The following LHFPL3 variants were observed in gnomAD, a reference collection of about 807,000 sequenced individuals.
The protein encoded by LHFPL3 is LHFPL tetraspan subfamily member 3 protein.
Under a neutral mutation model 19.3 loss-of-function variants are expected in LHFPL3, and 5 were observed. The observed-to-expected ratio is 0.26, with a 90% CI of 0.14 to 0.54. LHFPL3 has a LOEUF of 0.54. Among genes scored for constraint, LHFPL3 ranks in the 20% least tolerant of loss-of-function variants. The pLI is 0.94. For synonymous variants in LHFPL3, 133 were observed against 126.2 expected (o/e 1.05, Z -0.36); for missense variants, 249 against 307.4 (o/e 0.81, Z 1.42).
intron 2 of LHFPL3, among the ~76,000 whole-genome samples, chr7:104,873,157 C>T (rs1467837206): frequency 6.6e-6 from 1 of 152,208 alleles, no homozygotes; most frequent in African/African-American, 2.4e-5. Context: ...CTGTACTAGA[C>T]AAGAGTATTC....
At chr7:104,578,024 A>G (rs1230398145) in intron 1 of LHFPL3, among the ~76,000 whole-genome samples, 1 of 152,210 alleles carries the variant, frequency 6.6e-6, no homozygotes, top group Admixed American at 6.5e-5. Flanking sequence ...CGGCATGTAT[A>G]GGATGTCAGG....
intron 2 of LHFPL3, among the ~76,000 whole-genome samples, chr7:104,762,113 T>C (rs1255911745): frequency 1.3e-5 from 2 of 152,110 alleles, no homozygotes; most frequent in African/African-American, 4.8e-5. Context: ...AGCAGGGACA[T>C]AGAGGACTCT....
intron 1 of LHFPL3, among the ~76,000 whole-genome samples, chr7:104,734,077 C>T (rs888133320): frequency 1.2e-4 from 18 of 152,212 alleles, no homozygotes; most frequent in Non-Finnish European, 2.9e-5. Context: ...TGTAGAGTTT[C>T]TGCTGAGAGA....
At chr7:104,620,717 C>T (rs902939337) in intron 1 of LHFPL3, among the ~76,000 whole-genome samples, 5 of 152,332 alleles carry the variant, frequency 3.3e-5, no homozygotes, top group Non-Finnish European at 5.9e-5. Context: ...CTCTCTAACT[C>T]ATTACTGAGG....
At chr7:104,424,794 A>G (rs1197778663) in intron 1 of LHFPL3, among the ~76,000 whole-genome samples, 1 of 152,052 alleles carries the variant, frequency 6.6e-6, no homozygotes, top group Non-Finnish European at 1.5e-5. Context: ...AATCCAGACC[A>G]TCCTGGTTAA....
intron 2 of LHFPL3, chr7:104,895,858 A>C (rs762433821): frequency 2.0e-5 from 3 of 152,260 alleles, no homozygotes; most frequent in Non-Finnish European, 4.4e-5. Flanking sequence ...TTAGTCTGCT[A>C]GGGCTGCCAT....
chr7:104,654,858 T>C (rs570551746), intron 1 of LHFPL3, among the ~76,000 whole-genome samples: 2 of 152,304 alleles, frequency 1.3e-5, no homozygotes, highest in Non-Finnish European at 2.9e-5. Context: ...CTAGTGTAGG[T>C]TGTACACCAT....
chr7:104,684,020 A>C (rs1206616078), intron 1 of LHFPL3, among the ~76,000 whole-genome samples: 1 of 152,238 alleles, frequency 6.6e-6, no homozygotes, highest in Non-Finnish European at 1.5e-5. Flanking sequence ...AGAAAATATC[A>C]GGATTACTTT....
Position 104,504,687 on chromosome 7 carries a change from ACTAT to A in LHFPL3, c.445+175467_445+175470del, listed in dbSNP as rs1793663058. Among the ~76,000 whole-genome samples the A allele has an allele frequency of 2.0e-5, 3 of 152,286 alleles. No individual in the cohort carries two copies. The South Asian group carries it at 6.2e-4, about 32-fold the overall frequency. On this transcript the variant is annotated intron_variant, in intron 1 of 2. Coordinates refer to ENST00000424859, the MANE Select transcript of LHFPL3 (RefSeq NM_199000.3). ...TCCTTCAGGTTATGTGTTTAATTCAACTATCTACCCACATTATACTAGGACAATA... is the reference window on the plus strand; with the variant it reads ...TCCTTCAGGTTATGTGTTTAATTCAACTACCCACATTATACTAGGACAATA...
At chr7:104,649,937 T>C (rs1224738516) in intron 1 of LHFPL3, among the ~76,000 whole-genome samples, 1 of 152,224 alleles carries the variant, frequency 6.6e-6, no homozygotes, top group Admixed American at 6.5e-5. Context: ...ATCTAAGATC[T>C]ACTGACTAGA....
intron 1 of LHFPL3, among the ~76,000 whole-genome samples, chr7:104,736,283 C>G (rs1793816000): frequency 6.6e-6 from 1 of 152,168 alleles, no homozygotes; most frequent in African/African-American, 2.4e-5. Flanking sequence ...CTCCTCAAAT[C>G]CAGCCTTGAA....
chr7:104,557,812 A>G (rs13234455), intron 1 of LHFPL3, among the ~76,000 whole-genome samples: 27,847 of 149,286 alleles, frequency 0.19, 2,955 homozygotes, highest in Non-Finnish European at 0.24. Context: ...ATATCTCCCA[A>G]TGCTATCCCT....
chr7:104,906,160 T>TC, intron 2 of LHFPL3, 27 bp from the exon 3 acceptor site: 1 of 1,606,466 alleles, frequency 6.2e-7, no homozygotes, highest in South Asian at 1.1e-5. Context: ...CCACCCTTTT[T>TC]CTCTCTCTTC....
chr7:104,737,358 G>C (rs571939457), intron 2 of LHFPL3, among the ~76,000 whole-genome samples: 9 of 152,232 alleles, frequency 5.9e-5, no homozygotes, highest in African/African-American at 2.2e-4. Flanking sequence ...AACTATTTGT[G>C]ATAATTGAAT....
At chr7:104,729,572 C>G (rs867179803) in intron 1 of LHFPL3, among the ~76,000 whole-genome samples, 5 of 152,104 alleles carry the variant, frequency 3.3e-5, no homozygotes, top group Non-Finnish European at 4.4e-5. Context: ...TACTCCACTT[C>G]TATGAGATCA....
intron 2 of LHFPL3, among the ~76,000 whole-genome samples, chr7:104,755,327 G>C (rs1379080584): frequency 6.6e-6 from 1 of 152,088 alleles, no homozygotes; most frequent in Non-Finnish European, 1.5e-5. Flanking sequence ...CAGGGGAAAA[G>C]CACCACAAAA....
chr7:104,845,899 A>C (rs1205805739), intron 2 of LHFPL3, among the ~76,000 whole-genome samples: 1 of 152,264 alleles, frequency 6.6e-6, no homozygotes, highest in Non-Finnish European at 1.5e-5. Context: ...CATAGAGTGA[A>C]TGCTAAGTGA....
At chr7:104,525,664 T>A (rs1485228357) in intron 1 of LHFPL3, among the ~76,000 whole-genome samples, 3 of 150,124 alleles carry the variant, frequency 2.0e-5, no homozygotes. Context: ...TGGAGTGCAG[T>A]GGTGTGATCT....
chr7:104,377,646 C>G (rs570350333), intron 1 of LHFPL3, among the ~76,000 whole-genome samples: 1 of 152,156 alleles, frequency 6.6e-6, no homozygotes, highest in Admixed American at 6.6e-5. Flanking sequence ...GGAGCTGGCT[C>G]AATTAATGTA....
Sources: gnomAD v4.1 joint callset for allele counts (sites outside exome capture counted in the v4.1 genomes callset) on GRCh38, gnomAD v4.1.1 for gene constraint, MANE v1.5 for transcripts, NCBI Gene and HGNC (gene_info 2026-07-23, HGNC 2026-07-21) for gene names.